TMEM170A: variants seen among roughly 807,000 people sequenced by gnomAD.
TMEM170A encodes the protein transmembrane protein 170.
TMEM170A carries 18 observed loss-of-function variants against 12.8 expected under a neutral mutation model. The ratio of observed to expected loss-of-function variants is 1.41; its 90% CI spans 0.97 to 2.09. The LOEUF (loss-of-function observed/expected upper bound fraction) is 2.09, where lower values mean the gene tolerates loss of function less well. TMEM170A is among the 30% of genes most tolerant of loss of function. The pLI is 0.00. For synonymous variants in TMEM170A, 107 were observed against 76.2 expected (o/e 1.40, Z -2.11); for missense variants, 220 against 179.9 (o/e 1.22, Z -1.28).
chr16:75,449,061 CA>C (rs2079634646), intron 2 of TMEM170A, among the ~76,000 whole-genome samples: 1 of 151,470 alleles, frequency 6.6e-6, no homozygotes, highest in Non-Finnish European at 1.5e-5. Flanking sequence ...ACCCTGTTCT[CA>C]AATAAAAATA....
At chr16:75,452,311 C>T (rs1440104785) in intron 1 of TMEM170A, among the ~76,000 whole-genome samples, 1 of 152,100 alleles carries the variant, frequency 6.6e-6, no homozygotes, top group Non-Finnish European at 1.5e-5. Context: ...CTCCGTCACC[C>T]AGGCTGCAGT....
At chr16:75,459,567 G>A (rs1329480071) in intron 1 of TMEM170A, among the ~76,000 whole-genome samples, 1 of 152,064 alleles carries the variant, frequency 6.6e-6, no homozygotes, top group Non-Finnish European at 1.5e-5. Flanking sequence ...ACACTCTTAT[G>A]TAGTCTTGGC....
rs915444625 is a variant in TMEM170A at position 75,447,378 on chromosome 16, A to C, written c.*180T>G. 3 of 561,330 alleles carry C rather than the reference A, an allele frequency of 5.3e-6. No individual in the cohort carries two copies. Among genetic ancestry groups the C allele is most frequent in the Non-Finnish European group, 8.3e-6 (3 of 362,020 alleles). The allele number at this position is 561,330 out of a possible 1,614,324, so 34.8% of individuals were successfully genotyped here. On this transcript the variant is annotated 3_prime_UTR_variant, in exon 3 of 3. Transcript: ENST00000561878. ...TTGGTTGAGAACAATAGGAGTCCAC[A>C]TAAGTCTTCAATTCTAGGAGCTTCA...
At chr16:75,457,257 C>A (rs1362886838) in intron 1 of TMEM170A, among the ~76,000 whole-genome samples, 2 of 152,326 alleles carry the variant, frequency 1.3e-5, no homozygotes, top group East Asian at 3.9e-4. Context: ...AGGCCTTGAA[C>A]TGGGAGGCAA....
At chr16:75,458,876 T>C (rs1360283471) in intron 1 of TMEM170A, 2 of 152,170 alleles carry the variant, frequency 1.3e-5, no homozygotes, top group African/African-American at 2.4e-5. Context: ...CTTGAGGATA[T>C]ATTTTTACAG....
chr16:75,449,891 GA>G (rs1229083844), intron 2 of TMEM170A, among the ~76,000 whole-genome samples: 1 of 152,078 alleles, frequency 6.6e-6, no homozygotes, highest in Admixed American at 6.6e-5. Context: ...GCGAAGAAAG[GA>G]AAAAGTATAT....
intron 1 of TMEM170A, among the ~76,000 whole-genome samples, chr16:75,462,812 T>C (rs1756459406): frequency 6.6e-6 from 1 of 152,120 alleles, no homozygotes; most frequent in Non-Finnish European, 1.5e-5. Context: ...TGTGGACAAT[T>C]GGGGAAATGT....
intron 1 of TMEM170A, among the ~76,000 whole-genome samples, chr16:75,452,208 T>C (rs2151633531): frequency 6.6e-6 from 1 of 152,126 alleles, no homozygotes; most frequent in East Asian, 1.9e-4. Context: ...CCTGACCTCA[T>C]GATCCGCCCG....
Position 75,451,686 on chromosome 16 carries a change from G to GTAAT in TMEM170A, c.283_286dup (p.Thr96AsnfsTer26). On this transcript the variant is annotated frameshift_variant, in exon 2 of 3. Transcript: ENST00000561878. LOFTEE classifies it high-confidence loss of function. ...TAACATACTTGTCAAGATTCCAGCA[G>GTAAT]TAATTGGTCCCACGATGCCCATCAA... 2 of 1,614,194 alleles carry GTAAT rather than the reference G, an allele frequency of 1.2e-6. No individual in the cohort carries two copies. The highest frequency in any genetic ancestry group is 1.7e-6 in the Non-Finnish European group (2 of 1,180,044).
chr16:75,461,992 C>T (rs890214917), intron 1 of TMEM170A, among the ~76,000 whole-genome samples: 2 of 152,172 alleles, frequency 1.3e-5, no homozygotes, highest in Admixed American at 6.5e-5. Context: ...AAGCCAGAGA[C>T]TCAACAGACT....
intron 1 of TMEM170A, among the ~76,000 whole-genome samples, chr16:75,454,459 T>TACAC (rs71380746): frequency 0.48 from 72,130 of 149,840 alleles, 18,336 homozygotes; most frequent in Admixed American, 0.61. Flanking sequence ...TCTCTAAAAA[T>TACAC]ACACACACAT....
rs1237326246 is a variant in TMEM170A, at chr16:75,443,457, A to T, written c.*4101T>A. 6.6e-6 allele frequency: 1 copy of T among 152,214 alleles called. No homozygotes were observed. The highest frequency in any genetic ancestry group is 2.4e-5 in the African/African-American group (1 of 41,446). 9.4% of individuals were successfully genotyped at this position (152,214 alleles called of 1,614,324 possible). On this transcript the variant is annotated 3_prime_UTR_variant, in exon 3 of 3. Transcript: ENST00000561878. ...AAATGCAAGTACACGACATTTCTGC[A>T]TATGGTCTGCTAATGGCACCGATGC... is the stretch of plus-strand genomic sequence containing the variant.
chr16:75,464,677 C>T lies in TMEM170A; in HGVS notation c.-77G>A, dbSNP rs542701415. 1.8e-4 allele frequency: 270 copies of T among 1,511,104 alleles called. 1 individual carries two copies. In the African/African-American group the frequency reaches 3.7e-3, roughly 21 times the overall value. 93.6% of individuals were successfully genotyped at this position (1,511,104 alleles called of 1,614,324 possible). A position where few individuals can be genotyped will look rare whatever the true frequency, so the allele number is the denominator to read the frequency against. On this transcript the variant is annotated 5_prime_UTR_variant, in exon 1 of 3. Coordinates refer to ENST00000561878, the MANE Select transcript of TMEM170A (RefSeq NM_145254.3). Reference sequence around the variant, plus strand: ...AGCGGCCGGCGCCGACTCACCCTCGCCGCCTCAGCGTCACCTCCAGCCGGG... The same window carrying T: ...AGCGGCCGGCGCCGACTCACCCTCGTCGCCTCAGCGTCACCTCCAGCCGGG...
Position 75,464,413 on chromosome 16 carries a change from G to C in TMEM170A, c.133+55C>G, listed in dbSNP as rs2079961389. On this transcript the variant is annotated intron_variant, in intron 1 of 2. Coordinates refer to ENST00000561878, the MANE Select transcript of TMEM170A (RefSeq NM_145254.3). ...CCCGCCCAGACTCGGGGCGCCCACA[G>C]CACGGCAGCGGCGACGGCGGGGCGC... 36 of 1,394,822 alleles carry C rather than the reference G, an allele frequency of 2.6e-5. No homozygotes were observed. In the East Asian group the frequency reaches 1.1e-3, roughly 42 times the overall value. The allele number at this position is 1,394,822 out of a possible 1,614,324, so 86.4% of individuals were successfully genotyped here. A position where few individuals can be genotyped will look rare whatever the true frequency, so the allele number is the denominator to read the frequency against.
Position 75,464,649 on chromosome 16 carries a change from G to T in TMEM170A, c.-49C>A. 6.5e-7 allele frequency: 1 copy of T among 1,541,528 alleles called. No homozygotes were observed. Among genetic ancestry groups the T allele is most frequent in the South Asian group, 1.2e-5 (1 of 84,096 alleles). ...AATGAGGGACGAGCGCCCGAAGTGC[G>T]GTAGCGGCCGGCGCCGACTCACCCT... On this transcript the variant is annotated 5_prime_UTR_variant, in exon 1 of 3. Coordinates refer to ENST00000561878, the MANE Select transcript of TMEM170A (RefSeq NM_145254.3).
intron 1 of TMEM170A, among the ~76,000 whole-genome samples, chr16:75,457,230 C>G (rs1461206427): frequency 2.0e-5 from 3 of 152,234 alleles, no homozygotes; most frequent in Non-Finnish European, 1.5e-5. Context: ...TTCCTACCAG[C>G]TGCCACAGAA....
rs2079967929 is a variant in TMEM170A, at chr16:75,464,685, G to C, written c.-85C>G. Reference sequence around the variant, plus strand: ...GCGCCGACTCACCCTCGCCGCCTCAGCGTCACCTCCAGCCGGGGTCCTCTT... The same window carrying C: ...GCGCCGACTCACCCTCGCCGCCTCACCGTCACCTCCAGCCGGGGTCCTCTT... On this transcript the variant is annotated 5_prime_UTR_variant, in exon 1 of 3. Transcript: ENST00000561878. 2 of 1,494,770 alleles carry C rather than the reference G, an allele frequency of 1.3e-6. No individual in the cohort carries two copies. The highest frequency in any genetic ancestry group is 1.8e-6 in the Non-Finnish European group (2 of 1,128,826). 92.6% of individuals were successfully genotyped at this position (1,494,770 alleles called of 1,614,324 possible). A position where few individuals can be genotyped will look rare whatever the true frequency, so the allele number is the denominator to read the frequency against.
Position 75,464,563 on chromosome 16 carries a change from G to C in TMEM170A, c.38C>G (p.Ala13Gly), listed in dbSNP as rs764714402. Reference sequence around the variant, plus strand: ...GCTCAGGATCTGCTGCAGGAGCCCGGCCGACCCGCCGCTGCCGCCGCTCCC... The same window carrying C: ...GCTCAGGATCTGCTGCAGGAGCCCGCCCGACCCGCCGCTGCCGCCGCTCCC... ...REGSGGSGGS[A>G]GLLQQILSLK... Residue 13 changes from alanine (A) to glycine (G), a missense_variant, in exon 1 of 3, where the codon GCC becomes GGC. Transcript: ENST00000561878. 2 of 1,584,854 alleles carry C rather than the reference G, an allele frequency of 1.3e-6. No homozygotes were observed. The highest frequency in any genetic ancestry group is 4.9e-5 in the East Asian group (2 of 41,110).
chr16:75,454,413 T>A (rs1281709862), intron 1 of TMEM170A, among the ~76,000 whole-genome samples: 1 of 151,576 alleles, frequency 6.6e-6, no homozygotes, highest in Non-Finnish European at 1.5e-5. Flanking sequence ...GGTCAGGAGT[T>A]CAAGACCAGC....
Sources: gnomAD v4.1 joint callset for allele counts (sites outside exome capture counted in the v4.1 genomes callset) on GRCh38, gnomAD v4.1.1 for gene constraint, MANE v1.5 for transcripts, NCBI Gene and HGNC (gene_info 2026-07-23, HGNC 2026-07-21) for gene names.